RYR2: variants seen among roughly 807,000 people sequenced by gnomAD.
The protein encoded by RYR2 is ryanodine receptor 2, also known as cardiac muscle ryanodine receptor-calcium release channel.
In RYR2, 227 loss-of-function variants were observed where a neutral mutation model predicts 601.1. The observed-to-expected ratio is 0.38, with a 90% CI of 0.34 to 0.42. The LOEUF is 0.42. Ranked by LOEUF, RYR2 falls within the 10% of genes least tolerant of loss-of-function variation. The probability of loss-of-function intolerance (pLI) is 1.00; values close to 1 mark genes in which losing one functional copy is unlikely to be tolerated. For missense variants in RYR2, 4,646 were observed against 6,156.5 expected, an observed-to-expected ratio of 0.75 and a Z score of 8.21; for synonymous variants, 2,223 against 2,175.1, an observed-to-expected ratio of 1.02 and a Z score of -0.61.
intron 71 of RYR2, among the ~76,000 whole-genome samples, chr1:237,716,378 A>G (rs1464083229): frequency 7.2e-6 from 1 of 138,042 alleles, no homozygotes; most frequent in Admixed American, 6.8e-5. Context: ...TTATCACGAA[A>G]CTATGTTGTA....
intron 22 of RYR2, among the ~76,000 whole-genome samples, chr1:237,505,036 G>A (rs1282940909): frequency 6.6e-6 from 1 of 152,124 alleles, no homozygotes; most frequent in Non-Finnish European, 1.5e-5. Flanking sequence ...TCTTCGATAC[G>A]CTTATTTGGA....
intron 1 of RYR2, among the ~76,000 whole-genome samples, chr1:237,265,481 C>T (rs1047609968): frequency 6.6e-6 from 1 of 151,872 alleles, no homozygotes; most frequent in Non-Finnish European, 1.5e-5. Flanking sequence ...ACTACCACAC[C>T]CGGCTAATTT....
chr1:237,334,440 A>AATATATATATAT (rs58982184), intron 3 of RYR2, among the ~76,000 whole-genome samples: 18 of 146,048 alleles, frequency 1.2e-4, no homozygotes, highest in Admixed American at 2.8e-4. Flanking sequence ...GTTTAATTAA[A>AATATATATATAT]ATATATATAT....
rs554173734 is a variant in RYR2, at chr1:237,420,040, CTATACTA to C, written c.848+2922_848+2928del. Reference sequence around the variant, plus strand: ...GTCTTCTCTTTTCTCCAGTGAGATCCTATACTATATATTTGTTGTAGTTGATGTGGCC... The same window carrying C: ...GTCTTCTCTTTTCTCCAGTGAGATCCTATATTTGTTGTAGTTGATGTGGCC... On this transcript the variant is annotated intron_variant, in intron 11 of 104. Transcript: ENST00000366574. Among the ~76,000 whole-genome samples the C allele has an allele frequency of 1.3e-3, 202 of 152,142 alleles. 3 individuals are homozygous for C. The highest frequency in any genetic ancestry group is 4.6e-3 in the African/African-American group (191 of 41,520).
chr1:237,589,370 T>C (rs911960976), intron 29 of RYR2, among the ~76,000 whole-genome samples: 1 of 152,158 alleles, frequency 6.6e-6, no homozygotes. Flanking sequence ...TCAAGCTCTT[T>C]AGCCAGAAGG....
chr1:237,433,233 T>C (rs987025976), intron 12 of RYR2, among the ~76,000 whole-genome samples: 8 of 152,030 alleles, frequency 5.3e-5, no homozygotes, highest in African/African-American at 1.9e-4. Context: ...TCATTTAAAA[T>C]AAGTTACAAA....
intron 2 of RYR2, among the ~76,000 whole-genome samples, chr1:237,291,443 C>T (rs1558566737): frequency 6.6e-6 from 1 of 151,998 alleles, no homozygotes; most frequent in Non-Finnish European, 1.5e-5. Flanking sequence ...TGGTATTTAC[C>T]CAAATGAGTA....
chr1:237,387,515 A>C, intron 9 of RYR2, 135 bp downstream of exon 9: 1 of 718,662 alleles, frequency 1.4e-6, no homozygotes, highest in South Asian at 1.9e-5. Context: ...CAGATACCTG[A>C]CATTTGAGGA....
chr1:237,732,004 T>C (rs751587701), intron 77 of RYR2, 42 bp from the exon 78 acceptor site: 6 of 1,339,376 alleles, frequency 4.5e-6, no homozygotes, highest in Non-Finnish European at 6.4e-6. Flanking sequence ...GAGTGAACAT[T>C]TTTTTTTAAT....
intron 17 of RYR2, among the ~76,000 whole-genome samples, chr1:237,474,131 G>A (rs914310142): frequency 6.6e-6 from 1 of 151,830 alleles, no homozygotes; most frequent in African/African-American, 2.4e-5. Context: ...ACTGTCAGCT[G>A]TGTGTAGGTG....
intron 22 of RYR2, among the ~76,000 whole-genome samples, chr1:237,506,409 G>C (rs914468834): frequency 9.2e-5 from 14 of 152,056 alleles, no homozygotes; most frequent in Admixed American, 2.6e-4. Context: ...GTAGTGGTGG[G>C]CACCTGCATT....
intron 3 of RYR2, among the ~76,000 whole-genome samples, chr1:237,348,043 G>A (rs894688994): frequency 6.6e-6 from 1 of 152,096 alleles, no homozygotes; most frequent in Non-Finnish European, 1.5e-5. Context: ...GTAATCTCTG[G>A]CCTGACAACG....
At chr1:237,190,869 G>A (rs1208426199) in intron 1 of RYR2, among the ~76,000 whole-genome samples, 4 of 152,052 alleles carry the variant, frequency 2.6e-5, no homozygotes, top group Admixed American at 1.3e-4. Flanking sequence ...TGTAAGCTGC[G>A]TTTTTACTCT....
intron 7 of RYR2, 78 bp from the exon 8 acceptor site, chr1:237,377,245 G>C (rs1465679811): frequency 5.0e-6 from 5 of 1,005,778 alleles, no homozygotes; most frequent in Non-Finnish European, 5.8e-6. Flanking sequence ...AAAGTTGTGT[G>C]TTGGGAATCA....
intron 100 of RYR2, among the ~76,000 whole-genome samples, chr1:237,810,321 C>T (rs1316910189): frequency 6.6e-6 from 1 of 152,088 alleles, no homozygotes. Flanking sequence ...GTCACATGAC[C>T]AGACAATTCA....
At chr1:237,210,085 C>A (rs1416865691) in intron 1 of RYR2, among the ~76,000 whole-genome samples, 2 of 151,640 alleles carry the variant, frequency 1.3e-5, no homozygotes, top group Non-Finnish European at 2.9e-5. Context: ...ATATTTTATT[C>A]CATTCATTTT....
At chr1:237,138,151 G>C (rs1672985761) in intron 1 of RYR2, among the ~76,000 whole-genome samples, 1 of 152,098 alleles carries the variant, frequency 6.6e-6, no homozygotes, top group Admixed American at 6.5e-5. Context: ...CCTGCCTCAG[G>C]CTCCTGAGTA....
At chr1:237,217,058 A>C (rs1344140458) in intron 1 of RYR2, among the ~76,000 whole-genome samples, 1 of 152,234 alleles carries the variant, frequency 6.6e-6, no homozygotes, top group East Asian at 1.9e-4. Flanking sequence ...AAGGGCTCCT[A>C]CAAAATTGGT....
At chr1:237,724,062 C>T (rs1456840369) in intron 74 of RYR2, among the ~76,000 whole-genome samples, 1 of 151,578 alleles carries the variant, frequency 6.6e-6, no homozygotes, top group Non-Finnish European at 1.5e-5. Flanking sequence ...TCTGATCTGT[C>T]ACAGGGCTCT....
Sources: gnomAD v4.1 joint callset for allele counts (sites outside exome capture counted in the v4.1 genomes callset) on GRCh38, gnomAD v4.1.1 for gene constraint, MANE v1.5 for transcripts, NCBI Gene and HGNC (gene_info 2026-07-23, HGNC 2026-07-21) for gene names.